The following CAMKMT variants were observed in gnomAD, a reference collection of about 807,000 sequenced individuals.
The protein encoded by CAMKMT is CaM KMT.
A neutral mutation model predicts 48.0 loss-of-function variants in CAMKMT; 53 were observed. The ratio of observed to expected loss-of-function variants is 1.10; its 90% CI spans 0.89 to 1.39. The LOEUF (loss-of-function observed/expected upper bound fraction) is 1.39, where lower values mean the gene tolerates loss of function less well. CAMKMT is among the 40% of genes most tolerant of loss of function. CAMKMT has a pLI of 0.00. For synonymous variants in CAMKMT, 165 were observed against 152.3 expected (o/e 1.08, Z -0.61); for missense variants, 428 against 402.7 (o/e 1.06, Z -0.54).
At chr2:44,571,477 G>A (rs548115342) in intron 3 of CAMKMT, among the ~76,000 whole-genome samples, 21 of 152,306 alleles carry the variant, frequency 1.4e-4, no homozygotes, top group Admixed American at 1.4e-3. Context: ...TACAGTGTTA[G>A]TAGCTGGACA....
chr2:44,629,433 C>CTTTTTT (rs897761983), intron 3 of CAMKMT, among the ~76,000 whole-genome samples: 6 of 125,324 alleles, frequency 4.8e-5, no homozygotes, highest in Non-Finnish European at 6.8e-5. Context: ...TTCTTTCTTT[C>CTTTTTT]TTTTTTTTTT....
At chr2:44,678,253 A>G (rs510908) in intron 3 of CAMKMT, among the ~76,000 whole-genome samples, 96,612 of 152,062 alleles carry the variant, frequency 0.64, 31,322 homozygotes, top group Middle Eastern at 0.68. Flanking sequence ...AATTCTTTCC[A>G]TTAACATTTT....
chr2:44,707,640 G>A (rs896118416), intron 6 of CAMKMT, among the ~76,000 whole-genome samples, 178 bp downstream of exon 6: 1 of 152,044 alleles, frequency 6.6e-6, no homozygotes, highest in African/African-American at 2.4e-5. Flanking sequence ...AACTCCGTAG[G>A]TTTTTTTCTT....
In CAMKMT at chr2:44,490,398, C is replaced by G. The variant is rs186198609; in HGVS notation, c.376+100093C>G. ...TCAAGTGATTCTCCTGCCTCAGCCT[C>G]CTGAGTAGCTGGGATTACAGGCATG... is the stretch of plus-strand genomic sequence containing the variant. On this transcript the variant is annotated intron_variant, in intron 3 of 10. Coordinates refer to ENST00000378494, the MANE Select transcript of CAMKMT (RefSeq NM_024766.5). Among the ~76,000 whole-genome samples, 461 of 152,282 alleles carry G rather than the reference C, an allele frequency of 3.0e-3. 1 individual carries two copies. The highest frequency in any genetic ancestry group is 0.014 in the Middle Eastern group (4 of 294).
intron 3 of CAMKMT, among the ~76,000 whole-genome samples, chr2:44,694,268 A>G (rs1676817128): frequency 6.6e-6 from 1 of 152,222 alleles, no homozygotes; most frequent in Non-Finnish European, 1.5e-5. Flanking sequence ...TTAACTATGA[A>G]ACTTGACATT....
At chr2:44,646,087 T>C (rs1673714334) in intron 3 of CAMKMT, among the ~76,000 whole-genome samples, 1 of 152,230 alleles carries the variant, frequency 6.6e-6, no homozygotes, top group South Asian at 2.1e-4. Flanking sequence ...AGACAACTGA[T>C]TGTAGAACAG....
intron 3 of CAMKMT, chr2:44,456,561 C>G (rs767071680): frequency 1.0e-5 from 16 of 1,549,666 alleles, no homozygotes; most frequent in Middle Eastern, 1.7e-4. Flanking sequence ...CATCCTTTCT[C>G]TTTTAGGGGA....
At chr2:44,553,364 CTTT>C (rs11355850) in intron 3 of CAMKMT, among the ~76,000 whole-genome samples, 6 of 141,206 alleles carry the variant, frequency 4.2e-5, no homozygotes, top group Non-Finnish European at 3.1e-5. Flanking sequence ...GAGTGAGACA[CTTT>C]TTTTTTTTTT....
intron 3 of CAMKMT, among the ~76,000 whole-genome samples, chr2:44,466,543 T>C (rs1289747048): frequency 6.6e-6 from 1 of 152,112 alleles, no homozygotes; most frequent in Non-Finnish European, 1.5e-5. Flanking sequence ...GAGGAAAGTT[T>C]ATAGTGGTAG....
intron 3 of CAMKMT, among the ~76,000 whole-genome samples, chr2:44,554,929 A>C (rs939643458): frequency 6.6e-6 from 1 of 152,166 alleles, no homozygotes; most frequent in Non-Finnish European, 1.5e-5. Context: ...GTTAAATAAG[A>C]TATTTAAAGC....
At chr2:44,599,539 T>G (rs1194852235) in intron 3 of CAMKMT, among the ~76,000 whole-genome samples, 1 of 152,128 alleles carries the variant, frequency 6.6e-6, no homozygotes, top group Non-Finnish European at 1.5e-5. Context: ...GCCATTATCT[T>G]CTGTGAGAAT....
At chr2:44,636,389 A>G (rs1673137799) in intron 3 of CAMKMT, among the ~76,000 whole-genome samples, 1 of 152,204 alleles carries the variant, frequency 6.6e-6, no homozygotes, top group Non-Finnish European at 1.5e-5. Context: ...TGGAGAATGC[A>G]TGTAAAGAAC....
intron 3 of CAMKMT, among the ~76,000 whole-genome samples, chr2:44,484,875 A>G (rs1448104539): frequency 6.6e-6 from 1 of 151,304 alleles, no homozygotes; most frequent in African/African-American, 2.5e-5. Flanking sequence ...ACAAATCAAC[A>G]GGAAAAAAAA....
intron 3 of CAMKMT, among the ~76,000 whole-genome samples, chr2:44,553,542 A>G (rs576221234): frequency 1.5e-4 from 23 of 152,158 alleles, no homozygotes; most frequent in Admixed American, 5.2e-4. Flanking sequence ...TGTGCTTTTA[A>G]TAGAGATGGG....
At chr2:44,649,008 A>G (rs966765529) in intron 3 of CAMKMT, among the ~76,000 whole-genome samples, 2 of 152,220 alleles carry the variant, frequency 1.3e-5, no homozygotes. Flanking sequence ...TAAATGAGAT[A>G]TTTAATATAA....
intron 3 of CAMKMT, among the ~76,000 whole-genome samples, chr2:44,609,217 G>A (rs1392759598): frequency 6.6e-6 from 1 of 152,174 alleles, no homozygotes. Flanking sequence ...GAGGGAGAAT[G>A]GGAAGATGTT....
intron 3 of CAMKMT, among the ~76,000 whole-genome samples, chr2:44,569,939 G>A (rs1668820694): frequency 6.6e-6 from 1 of 152,030 alleles, no homozygotes; most frequent in Non-Finnish European, 1.5e-5. Flanking sequence ...TTTGGATCAA[G>A]GAGGATTTTA....
chr2:44,389,194 G>T (rs1383424955), intron 2 of CAMKMT, among the ~76,000 whole-genome samples: 1 of 152,066 alleles, frequency 6.6e-6, no homozygotes, highest in Non-Finnish European at 1.5e-5. Flanking sequence ...GCTGCTGTGG[G>T]GGATGGGGGT....
intron 3 of CAMKMT, among the ~76,000 whole-genome samples, chr2:44,498,913 G>T (rs1194994469): frequency 6.6e-6 from 1 of 152,140 alleles, no homozygotes; most frequent in Admixed American, 6.5e-5. Flanking sequence ...TGTGGTAATG[G>T]CGGGGGTTGG....
Sources: allele counts gnomAD v4.1 joint callset (sites outside exome capture counted in the v4.1 genomes callset), GRCh38; gene constraint gnomAD v4.1.1; transcripts MANE v1.5; gene names NCBI Gene and HGNC (gene_info 2026-07-23, HGNC 2026-07-21).